EVA1A: variants seen among roughly 807,000 people sequenced by gnomAD.
EVA1A encodes the protein protein eva-1 homolog A.
EVA1A carries 7 observed loss-of-function variants against 9.8 expected under a neutral mutation model. That is an observed-to-expected ratio of 0.71 (90% CI 0.41 to 1.34). The LOEUF is 1.34. Among genes scored for constraint, EVA1A ranks in the 40% most tolerant of loss-of-function variants. EVA1A has a pLI of 0.01. For missense variants in EVA1A, 206 were observed against 205.9 expected (o/e 1.00, Z 0.00); for synonymous variants, 90 against 85.6 (o/e 1.05, Z -0.28).
In EVA1A at chr2:75,518,214, T is replaced by A. The variant is rs1371156601; in HGVS notation, c.-68-6A>T. 64 of 1,581,160 alleles carry A rather than the reference T, an allele frequency of 4.0e-5. No individual in the cohort carries two copies. Among genetic ancestry groups the A allele is most frequent in the Non-Finnish European group, 5.4e-5 (63 of 1,166,026 alleles). ...GCCACTCTCCTTCTTCTCTTCTGTTTGGGAACATAAAGTGAGTGATAAGAA... is the reference window on the plus strand; with the variant it reads ...GCCACTCTCCTTCTTCTCTTCTGTTAGGGAACATAAAGTGAGTGATAAGAA... On this transcript the variant is annotated splice_region_variant and splice_polypyrimidine_tract_variant and intron_variant, in intron 2 of 3. Coordinates refer to ENST00000393913, the MANE Select transcript of EVA1A (RefSeq NM_001135032.2).
chr2:75,535,793 A>C (rs184766029), intron 1 of EVA1A, among the ~76,000 whole-genome samples: 3 of 152,258 alleles, frequency 2.0e-5, no homozygotes, highest in Admixed American at 2.0e-4. Flanking sequence ...GGAAGGGTAG[A>C]GGGAGTGAGA....
chr2:75,565,166 C>T (rs530950972), upstream of EVA1A, among the ~76,000 whole-genome samples: 2 of 152,226 alleles, frequency 1.3e-5, no homozygotes, highest in Non-Finnish European at 2.9e-5. Flanking sequence ...CTGTCCTAGA[C>T]ACCATAGGCA....
intron 2 of EVA1A, chr2:75,518,640 C>A: frequency 1.0e-6 from 1 of 988,138 alleles, no homozygotes. Context: ...TTCCCCCTTA[C>A]CACTTCTGGA....
chr2:75,567,396 G>T (rs1677047838), intron 1 of EVA1A, among the ~76,000 whole-genome samples: 1 of 152,172 alleles, frequency 6.6e-6, no homozygotes, highest in South Asian at 2.1e-4. Context: ...CTATGTTAGG[G>T]TTTCATTATG....
intron 3 of EVA1A, among the ~76,000 whole-genome samples, chr2:75,504,178 C>G (rs143040125): frequency 6.6e-6 from 1 of 151,934 alleles, no homozygotes; most frequent in African/African-American, 2.4e-5. Context: ...TTTGGGAGGT[C>G]GAGGTGGGCA....
rs73938970 is a variant in EVA1A, at chr2:75,557,411, T to C, written c.-192+3269A>G. On this transcript the variant is annotated intron_variant, in intron 1 of 3. Transcript: ENST00000393913. ...ACCCCATATGGGTCATTAAATTCCCTTAGCCAGTTTTACCTTCAATAGATA... is the reference window on the plus strand; with the variant it reads ...ACCCCATATGGGTCATTAAATTCCCCTAGCCAGTTTTACCTTCAATAGATA... Among the ~76,000 whole-genome samples the C allele has an allele frequency of 2.4e-3, 359 of 152,378 alleles. 2 individuals are homozygous for C. The highest frequency in any genetic ancestry group is 8.2e-3 in the African/African-American group (341 of 41,592).
chr2:75,501,622 A>G (rs1674420991), intron 3 of EVA1A, among the ~76,000 whole-genome samples: 1 of 152,180 alleles, frequency 6.6e-6, no homozygotes, highest in South Asian at 2.1e-4. Flanking sequence ...AATTGAGCCA[A>G]TTATAGTTAT....
chr2:75,528,595 C>T (rs968143307), intron 1 of EVA1A, among the ~76,000 whole-genome samples: 2 of 152,108 alleles, frequency 1.3e-5, no homozygotes, highest in Non-Finnish European at 2.9e-5. Context: ...ACTGCCCCGT[C>T]CCCCCAGGTG....
chr2:75,493,972 C>T (rs1246867902), intron 3 of EVA1A, among the ~76,000 whole-genome samples: 2 of 152,152 alleles, frequency 1.3e-5, no homozygotes, highest in African/African-American at 4.8e-5. Context: ...TTCACCTAGG[C>T]CAAAACAGCT....
At chr2:75,536,725 A>G (rs879850749) in intron 1 of EVA1A, among the ~76,000 whole-genome samples, 4 of 152,204 alleles carry the variant, frequency 2.6e-5, no homozygotes, top group African/African-American at 4.8e-5. Flanking sequence ...AGTTCCTTGA[A>G]AAACACAAAG....
intron 1 of EVA1A, among the ~76,000 whole-genome samples, chr2:75,549,414 CT>C (rs943852639): frequency 1.3e-5 from 2 of 152,116 alleles, no homozygotes; most frequent in African/African-American, 2.4e-5. Context: ...GGCAAAACAC[CT>C]GCAGCTTCTT....
chr2:75,559,697 T>TGGGGGG (rs36059976), intron 1 of EVA1A, among the ~76,000 whole-genome samples: 15 of 78,828 alleles, frequency 1.9e-4, no homozygotes, highest in African/African-American at 4.1e-4. Context: ...AGAAAGGAGG[T>TGGGGGG]GGGGGGGGGG....
chr2:75,563,253 G>T (rs1345143109), upstream of EVA1A, among the ~76,000 whole-genome samples: 1 of 152,238 alleles, frequency 6.6e-6, no homozygotes, highest in Non-Finnish European at 1.5e-5. Context: ...TGGTTGTGCA[G>T]CAGGACAGAA....
intron 1 of EVA1A, among the ~76,000 whole-genome samples, chr2:75,555,236 T>C (rs747988302): frequency 1.3e-5 from 2 of 151,172 alleles, no homozygotes; most frequent in African/African-American, 2.4e-5. Flanking sequence ...TGAATCCTAA[T>C]AGCTGTTGAC....
intron 1 of EVA1A, chr2:75,541,604 C>T (rs1489316723): frequency 6.6e-6 from 1 of 152,540 alleles, no homozygotes; most frequent in East Asian, 1.9e-4. Context: ...GGAAGCTAGA[C>T]TGTGCTGACC....
rs529617252 is a variant in EVA1A, at chr2:75,538,382, T to A, written c.-191-15895A>T. On this transcript the variant is annotated intron_variant, in intron 1 of 3. Coordinates refer to ENST00000393913, the MANE Select transcript of EVA1A (RefSeq NM_001135032.2). ...CTTACAAAAATCAACTGTATTTCCA[T>A]ATACTAAGAGTGAACACTAAAGTTA... Among the ~76,000 whole-genome samples, 26 of 152,310 alleles carry A rather than the reference T, an allele frequency of 1.7e-4. 1 individual carries two copies. The South Asian group carries it at 3.5e-3, about 21-fold the overall frequency.
chr2:75,499,529 G>T (rs1452749188), intron 3 of EVA1A, among the ~76,000 whole-genome samples: 3 of 152,198 alleles, frequency 2.0e-5, no homozygotes, highest in African/African-American at 7.2e-5. Context: ...AAGCCCATTT[G>T]CTGGAGAAAT....
At chr2:75,502,828 G>A (rs1674477041) in intron 3 of EVA1A, among the ~76,000 whole-genome samples, 1 of 152,182 alleles carries the variant, frequency 6.6e-6, no homozygotes, top group South Asian at 2.1e-4. Flanking sequence ...GCCAAGATGA[G>A]GGTGTCAAAT....
chr2:75,534,089 C>G (rs970482984), intron 1 of EVA1A, among the ~76,000 whole-genome samples: 7 of 152,130 alleles, frequency 4.6e-5, no homozygotes, highest in Non-Finnish European at 1.0e-4. Context: ...TAAAAAAGCA[C>G]TTAGCAGGGC....
Sources: gnomAD v4.1 joint callset for allele counts (sites outside exome capture counted in the v4.1 genomes callset) on GRCh38, gnomAD v4.1.1 for gene constraint, MANE v1.5 for transcripts, NCBI Gene and HGNC (gene_info 2026-07-23, HGNC 2026-07-21) for gene names.